The following AP4S1 variants were observed in gnomAD, a reference collection of about 807,000 sequenced individuals.
The protein encoded by AP4S1 is AP-4 complex subunit sigma-1.
AP4S1 carries 23 observed loss-of-function variants against 19.8 expected under a neutral mutation model. The ratio of observed to expected loss-of-function variants is 1.16; its 90% CI spans 0.84 to 1.65. AP4S1 has a LOEUF of 1.65. Among genes scored for constraint, AP4S1 ranks in the 40% most tolerant of loss-of-function variants. The pLI, the probability that AP4S1 is intolerant of heterozygous loss-of-function variation, is 0.00. For synonymous variants in AP4S1, 46 were observed against 54.1 expected (o/e 0.85, Z 0.66); for missense variants, 166 against 172.8 (o/e 0.96, Z 0.22).
rs1197468701 is a variant in AP4S1 at position 31,025,760 on chromosome 14, G to A, written c.-99G>A. The A allele has an allele frequency of 8.7e-7, 1 of 1,144,208 alleles. No homozygotes were observed. The highest frequency in any genetic ancestry group is 1.2e-6 in the Non-Finnish European group (1 of 832,432). The allele number at this position is 1,144,208 out of a possible 1,614,324, so 70.9% of individuals were successfully genotyped here. A position where few individuals can be genotyped will look rare whatever the true frequency, so the allele number is the denominator to read the frequency against. On this transcript the variant is annotated 5_prime_UTR_variant, in exon 1 of 6. Transcript: ENST00000542754. Reference sequence around the variant, plus strand: ...GGGGGACTCCAGGAAAAGCCGTTGAGAGGACCATCACAACCTGAGCAGCAC... The same window carrying A: ...GGGGGACTCCAGGAAAAGCCGTTGAAAGGACCATCACAACCTGAGCAGCAC...
chr14:31,070,967 G>T (rs2139060068), intron 3 of AP4S1, among the ~76,000 whole-genome samples: 1 of 152,232 alleles, frequency 6.6e-6, no homozygotes, highest in East Asian at 1.9e-4. Flanking sequence ...CAGGAGAATG[G>T]TGTGAACCCA....
chr14:31,063,909 A>G (rs1886575415), intron 1 of AP4S1, among the ~76,000 whole-genome samples: 1 of 152,220 alleles, frequency 6.6e-6, no homozygotes, highest in African/African-American at 2.4e-5. Context: ...TTTAAGAACT[A>G]TTACTCATCT....
At chr14:31,049,385 G>A (rs1885608231) in intron 1 of AP4S1, among the ~76,000 whole-genome samples, 1 of 133,718 alleles carries the variant, frequency 7.5e-6, no homozygotes, top group Admixed American at 8.2e-5. Flanking sequence ...CTGCACTCCA[G>A]CCTGGGTGAC....
chr14:31,079,216 T>A (rs993057218), intron 4 of AP4S1, among the ~76,000 whole-genome samples: 1 of 152,216 alleles, frequency 6.6e-6, no homozygotes, highest in Non-Finnish European at 1.5e-5. Flanking sequence ...GCTTTTTTCT[T>A]CCTCCATACT....
At chr14:31,031,142 T>G (rs1884366634) in intron 1 of AP4S1, among the ~76,000 whole-genome samples, 1 of 152,186 alleles carries the variant, frequency 6.6e-6, no homozygotes, top group Non-Finnish European at 1.5e-5. Flanking sequence ...TCATGTAAGA[T>G]GTACTTGCTT....
At chr14:31,064,104 A>G (rs1258255526) in intron 1 of AP4S1, among the ~76,000 whole-genome samples, 1 of 152,182 alleles carries the variant, frequency 6.6e-6, no homozygotes, top group African/African-American at 2.4e-5. Context: ...ATGAGATTCA[A>G]TACAACTGAG....
intron 1 of AP4S1, among the ~76,000 whole-genome samples, chr14:31,060,076 T>C (rs914210509): frequency 4.7e-5 from 7 of 148,592 alleles, no homozygotes; most frequent in South Asian, 2.1e-4. Context: ...TATATTTTTA[T>C]ATATATAAAA....
chr14:31,081,711 T>C (rs532559081), intron 5 of AP4S1, among the ~76,000 whole-genome samples: 54 of 151,822 alleles, frequency 3.6e-4, no homozygotes, highest in Non-Finnish European at 6.9e-4. Flanking sequence ...AATGTTTATG[T>C]GTATATATAC....
Position 31,096,042 on chromosome 14 carries a change from G to T in AP4S1, c.*3007G>T, listed in dbSNP as rs1348380480. 1.5e-5 allele frequency: 2 copies of T among 137,090 alleles called. No individual in the cohort carries two copies. The highest frequency in any genetic ancestry group is 5.5e-5 in the African/African-American group (2 of 36,138). The allele number at this position is 137,090 out of a possible 1,614,324, so 8.5% of individuals were successfully genotyped here. On this transcript the variant is annotated 3_prime_UTR_variant, in exon 6 of 6. Coordinates refer to ENST00000542754, the MANE Select transcript of AP4S1 (RefSeq NM_001128126.3). ...AGAGGTTGCAGTGAGTTGAGATCGA[G>T]ATTGTGCCACTGCACTCCAGCCTGG... is the stretch of plus-strand genomic sequence containing the variant.
At chr14:31,028,628 T>G (rs1424582215) in intron 1 of AP4S1, among the ~76,000 whole-genome samples, 1 of 150,642 alleles carries the variant, frequency 6.6e-6, no homozygotes, top group Non-Finnish European at 1.5e-5. Context: ...CAGAGACATT[T>G]GTGGCCAGGT....
chr14:31,026,187 G>A (rs757208023), intron 1 of AP4S1: 1 of 1,456,500 alleles, frequency 6.9e-7, no homozygotes, highest in South Asian at 1.4e-5. Context: ...CTCGTCCATT[G>A]TGTGTGGGGC....
intron 5 of AP4S1, chr14:31,084,952 G>A (rs1887855513): frequency 1.6e-5 from 26 of 1,609,128 alleles, no homozygotes; most frequent in Middle Eastern, 3.3e-4. Context: ...AAATCAGTGC[G>A]TACCTGCTCT....
intron 3 of AP4S1, among the ~76,000 whole-genome samples, chr14:31,070,836 A>T (rs1375976184): frequency 1.3e-5 from 2 of 152,124 alleles, no homozygotes; most frequent in Non-Finnish European, 1.5e-5. Context: ...GCAGATCATG[A>T]GGTCAGGAGA....
Position 31,066,447 on chromosome 14 carries a change from ACT to A in AP4S1, c.138+114_138+115del, listed in dbSNP as rs1181914193. ...TTTGAGCTATATTCCTTCAACAGCT[ACT>A]AAAGAAAATAAGTGATGTGAAATGA... On this transcript the variant is annotated intron_variant, in intron 2 of 5. Transcript: ENST00000542754. 5 of 1,370,060 alleles carry A rather than the reference ACT, an allele frequency of 3.6e-6. No homozygotes were observed. In the East Asian group the frequency reaches 1.1e-4, roughly 31 times the overall value. 84.9% of individuals were successfully genotyped at this position (1,370,060 alleles called of 1,614,324 possible).
rs1886701100 is a variant in AP4S1, at chr14:31,066,144, C to A, written c.-53C>A. 1 of 1,585,600 alleles carries A rather than the reference C, an allele frequency of 6.3e-7. No individual in the cohort carries two copies. Among genetic ancestry groups the A allele is most frequent in the East Asian group, 2.2e-5 (1 of 44,572 alleles). On this transcript the variant is annotated 5_prime_UTR_variant, in exon 2 of 6. Transcript: ENST00000542754. ...CTTCAAGGTTCCAGTTACAGCCATC[C>A]CTTGTCATAACTTTTGAACTGTATT... is the stretch of plus-strand genomic sequence containing the variant.
chr14:31,089,909 G>A (rs753420645), intron 5 of AP4S1, among the ~76,000 whole-genome samples: 2 of 152,158 alleles, frequency 1.3e-5, no homozygotes, highest in African/African-American at 4.8e-5. Context: ...ACAGAGAGAA[G>A]CTGCGTCTAA....
chr14:31,069,634 T>A (rs1185334372), intron 2 of AP4S1, among the ~76,000 whole-genome samples: 1 of 152,222 alleles, frequency 6.6e-6, no homozygotes, highest in Non-Finnish European at 1.5e-5. Flanking sequence ...CCTCAGACTT[T>A]TTTCCAATAC....
chr14:31,086,935 T>C (rs1177375180), intron 5 of AP4S1, among the ~76,000 whole-genome samples: 1 of 152,090 alleles, frequency 6.6e-6, no homozygotes, highest in East Asian at 1.9e-4. Flanking sequence ...CATAGCTCAC[T>C]GCAGCCTCAA....
chr14:31,025,723 G>A lies in AP4S1; in HGVS notation c.-136G>A. On this transcript the variant is annotated 5_prime_UTR_variant, in exon 1 of 6. Coordinates refer to ENST00000542754, the MANE Select transcript of AP4S1 (RefSeq NM_001128126.3). ...TGAAGGTTGGGGAGCAAGCTTATGC[G>A]GGAAAGAGGGAGGGGGACTCCAGGA... 1 of 847,006 alleles carries A rather than the reference G, an allele frequency of 1.2e-6. No individual in the cohort carries two copies. Among genetic ancestry groups the A allele is most frequent in the Admixed American group, 2.9e-5 (1 of 33,982 alleles). The allele number at this position is 847,006 out of a possible 1,614,324, so 52.5% of individuals were successfully genotyped here. A position where few individuals can be genotyped will look rare whatever the true frequency, so the allele number is the denominator to read the frequency against.
Sources: allele counts gnomAD v4.1 joint callset (sites outside exome capture counted in the v4.1 genomes callset), GRCh38; gene constraint gnomAD v4.1.1; transcripts MANE v1.5; gene names NCBI Gene and HGNC (gene_info 2026-07-23, HGNC 2026-07-21).